Variants in CAMK4 observed in about 807,000 individuals in gnomAD.
CAMK4 encodes the protein calcium/calmodulin-dependent protein kinase type IV.
Under a neutral mutation model 44.9 loss-of-function variants are expected in CAMK4, and 22 were observed. That is an observed-to-expected ratio of 0.49 (90% CI 0.35 to 0.70). The LOEUF (loss-of-function observed/expected upper bound fraction) is 0.70. Among genes scored for constraint, CAMK4 ranks in the 30% least tolerant of loss-of-function variants. The pLI is 0.01. For missense variants in CAMK4, 498 were observed against 586.8 expected, an observed-to-expected ratio of 0.85 and a Z score of 1.56; for synonymous variants, 218 against 215.4, an observed-to-expected ratio of 1.01 and a Z score of -0.11.
rs773128504 is a variant in CAMK4 at position 111,484,506 on chromosome 5, T to G, written c.*40T>G. 1 of 1,366,770 alleles carries G rather than the reference T, an allele frequency of 7.3e-7. No homozygotes were observed. Among genetic ancestry groups the G allele is most frequent in the Admixed American group, 2.4e-5 (1 of 41,684 alleles). 84.7% of individuals were successfully genotyped at this position (1,366,770 alleles called of 1,614,324 possible). On this transcript the variant is annotated 3_prime_UTR_variant, in exon 11 of 11. Transcript: ENST00000282356. The surrounding 1 kb of genome is among the most constrained non-coding windows in gnomAD (Gnocchi z 5.3). ...ATCTGGAAGCCAAACACCGGCATTT[T>G]ATGTACTTTGTCCTTCAGCAAGAAA...
intron 1 of CAMK4, among the ~76,000 whole-genome samples, chr5:111,319,393 A>G (rs544357964): frequency 9.8e-5 from 15 of 152,298 alleles, no homozygotes; most frequent in Admixed American, 3.9e-4. Flanking sequence ...CAAGACATTA[A>G]CTTCCCAAAC....
intron 2 of CAMK4, chr5:111,357,892 T>C (rs1158472711): frequency 6.6e-6 from 1 of 152,068 alleles, no homozygotes; most frequent in African/African-American, 2.4e-5. Context: ...AGAAGTGTCA[T>C]GTTCAAAATA....
rs1165040524 is a variant in CAMK4, at chr5:111,490,590, C to T, written c.*6124C>T. 1 of 151,980 alleles carries T rather than the reference C, an allele frequency of 6.6e-6. No individual in the cohort carries two copies. The highest frequency in any genetic ancestry group is 1.5e-5 in the Non-Finnish European group (1 of 68,010). The allele number at this position is 151,980 out of a possible 1,614,324, so 9.4% of individuals were successfully genotyped here. A position where few individuals can be genotyped will look rare whatever the true frequency, so the allele number is the denominator to read the frequency against. ...TCCAGCCTGGACAACAAGAGCGAAA[C>T]TCCGTCAAAAAAAAATATATATATA... On this transcript the variant is annotated 3_prime_UTR_variant, in exon 11 of 11. Transcript: ENST00000282356.
chr5:111,309,624 G>A (rs1029379734), intron 1 of CAMK4, among the ~76,000 whole-genome samples: 16 of 152,130 alleles, frequency 1.1e-4, no homozygotes, highest in African/African-American at 3.1e-4. Flanking sequence ...CTCTGGGTGA[G>A]CTGTGGCACA....
intron 1 of CAMK4, among the ~76,000 whole-genome samples, chr5:111,303,706 C>A (rs1747832345): frequency 6.8e-6 from 1 of 147,742 alleles, no homozygotes; most frequent in Non-Finnish European, 1.5e-5. Flanking sequence ...CCCAATCTAG[C>A]AAGGCAGGCC....
chr5:111,412,655 A>G (rs895906581), intron 5 of CAMK4, among the ~76,000 whole-genome samples: 2 of 152,218 alleles, frequency 1.3e-5, no homozygotes, highest in Admixed American at 6.5e-5. Flanking sequence ...TATATAAGTA[A>G]GGTAGAAGGT....
chr5:111,272,243 G>A (rs1341595822), intron 1 of CAMK4, among the ~76,000 whole-genome samples: 1 of 152,046 alleles, frequency 6.6e-6, no homozygotes. Flanking sequence ...CTGCCAAAGA[G>A]TTCACTAGCC....
At chr5:111,294,576 C>T (rs770884462) in intron 1 of CAMK4, among the ~76,000 whole-genome samples, 1 of 152,068 alleles carries the variant, frequency 6.6e-6, no homozygotes, top group African/African-American at 2.4e-5. Context: ...AGTTCAAAAG[C>T]AAGATGGTGA....
At chr5:111,249,521 T>C (rs1212450620) in intron 1 of CAMK4, among the ~76,000 whole-genome samples, 1 of 151,018 alleles carries the variant, frequency 6.6e-6, no homozygotes, top group African/African-American at 2.4e-5. Context: ...GTATAGAAGT[T>C]TTGAAAATGT....
intron 5 of CAMK4, among the ~76,000 whole-genome samples, chr5:111,399,440 T>C (rs1404139551): frequency 1.3e-5 from 2 of 152,216 alleles, no homozygotes; most frequent in Admixed American, 6.5e-5. Flanking sequence ...CTTATAATTA[T>C]TTAAAATTGA....
chr5:111,424,434 C>CTTTTTTTTTTTTTTTTTTTTTTTT (rs34618322), intron 5 of CAMK4, among the ~76,000 whole-genome samples: 1 of 64,896 alleles, frequency 1.5e-5, no homozygotes, highest in African/African-American at 6.4e-5. Flanking sequence ...ATCTTCTATT[C>CTTTTTTTTTTTTTTTTTTTTTTTT]TTTTTTTTTT....
At chr5:111,399,083 GT>G (rs1232022933) in intron 5 of CAMK4, among the ~76,000 whole-genome samples, 2 of 151,460 alleles carry the variant, frequency 1.3e-5, no homozygotes, top group East Asian at 3.9e-4. Context: ...CACATTGAAA[GT>G]AAAAAAAAAA....
At chr5:111,362,093 T>A (rs1295683220) in intron 2 of CAMK4, among the ~76,000 whole-genome samples, 1 of 152,086 alleles carries the variant, frequency 6.6e-6, no homozygotes, top group African/African-American at 2.4e-5. Context: ...AGTGAACGTT[T>A]CACAGGGACT....
chr5:111,449,232 T>G, intron 7 of CAMK4, 29 bp downstream of exon 7: 1 of 971,944 alleles, frequency 1.0e-6, no homozygotes. Context: ...ATATTTTACT[T>G]TTATTGTTAT....
intron 2 of CAMK4, among the ~76,000 whole-genome samples, chr5:111,364,328 C>G (rs1193375847): frequency 6.6e-6 from 1 of 152,102 alleles, no homozygotes; most frequent in Non-Finnish European, 1.5e-5. Flanking sequence ...GGTTCTTTTC[C>G]TCTTCTCCCT....
At chr5:111,441,629 G>A (rs1316292967) in intron 5 of CAMK4, among the ~76,000 whole-genome samples, 1 of 151,898 alleles carries the variant, frequency 6.6e-6, no homozygotes, top group Non-Finnish European at 1.5e-5. Flanking sequence ...CCCAGTTTAT[G>A]GTTTGTTTTT....
chr5:111,251,027 A>G (rs1749466892), intron 1 of CAMK4, among the ~76,000 whole-genome samples: 1 of 152,204 alleles, frequency 6.6e-6, no homozygotes. Context: ...TTGGCTTTGT[A>G]AATCCTTGGA....
At chr5:111,452,491 C>T (rs945959494) in intron 7 of CAMK4, among the ~76,000 whole-genome samples, 3 of 152,156 alleles carry the variant, frequency 2.0e-5, no homozygotes, top group Admixed American at 2.0e-4. Context: ...AGAAAACAGA[C>T]AAATTAGCTA....
chr5:111,246,646 A>G (rs1749254288), intron 1 of CAMK4, among the ~76,000 whole-genome samples: 1 of 152,174 alleles, frequency 6.6e-6, no homozygotes, highest in Non-Finnish European at 1.5e-5. Flanking sequence ...ATCATCCAGG[A>G]CAGTAAGGAT....
Sources: allele counts gnomAD v4.1 joint callset (sites outside exome capture counted in the v4.1 genomes callset), GRCh38; gene constraint gnomAD v4.1.1; non-coding constraint Gnocchi (gnomAD v3.1); transcripts MANE v1.5; gene names NCBI Gene and HGNC (gene_info 2026-07-23, HGNC 2026-07-21).